ZFAT: variants seen among roughly 807,000 people sequenced by gnomAD.
ZFAT encodes the protein zinc finger and AT-hook domain containing.
In ZFAT, 64 loss-of-function variants were observed where a neutral mutation model predicts 117.7. The observed-to-expected ratio is 0.54, with a 90% confidence interval of 0.44 to 0.67. ZFAT has a LOEUF of 0.67. ZFAT is among the 30% of genes least tolerant of loss of function. The pLI is 0.00. For missense variants in ZFAT, 1,433 were observed against 1,584.5 expected, an observed-to-expected ratio of 0.90 and a Z score of 1.62; for synonymous variants, 679 against 615.0, an observed-to-expected ratio of 1.10 and a Z score of -1.54.
At chr8:134,676,477 A>G (rs1832810052) in intron 1 of ZFAT, among the ~76,000 whole-genome samples, 1 of 152,168 alleles carries the variant, frequency 6.6e-6, no homozygotes, top group African/African-American at 2.4e-5. Flanking sequence ...AGAGACTTAG[A>G]CTCCCACACA....
chr8:134,750,374 A>ATG, the ZFAT span, among the ~76,000 whole-genome samples: 1 of 151,962 alleles, frequency 6.6e-6, no homozygotes, highest in African/African-American at 2.4e-5. Context: ...GGATTTGTTA[A>ATG]TGTATATATA....
rs1381741311 is a variant in ZFAT, at chr8:134,588,290, A to G, written c.2669T>C (p.Met890Thr). 1.9e-6 allele frequency: 3 copies of G among 1,577,442 alleles called. No individual in the cohort carries two copies. The highest frequency in any genetic ancestry group is 2.3e-5 in the East Asian group (1 of 43,294). ...MKCPYCDFYF[M>T]KNGSDLQRHI... ...ACGCTGAAGGTCTGAGCCATTCTTC[A>G]TGAAATAAAAGTCACAATATGGGCA... Residue 890 changes from methionine (M) to threonine (T), a missense_variant, in exon 9 of 16, where the codon ATG (methionine) becomes ACG (threonine). Around this residue, in one of 5 missense-constraint regions of ZFAT, gnomAD observed 503 missense variants for 543.4 expected, o/e 0.93. Transcript: ENST00000377838.
At chr8:134,544,455 T>TA (rs200618967) in intron 11 of ZFAT, among the ~76,000 whole-genome samples, 17,889 of 151,132 alleles carry the variant, frequency 0.12, 1,305 homozygotes, top group East Asian at 0.34. Flanking sequence ...AATTTTTTTT[T>TA]AAAAAAATTA....
intron 8 of ZFAT, 83 bp from the exon 9 acceptor site, chr8:134,588,478 C>A (rs766992274): frequency 2.1e-6 from 3 of 1,395,496 alleles, no homozygotes; most frequent in Non-Finnish European, 2.9e-6. Flanking sequence ...CTAAGCAGCA[C>A]CCACAGGAGG....
chr8:134,663,025 G>A (rs781268031), intron 1 of ZFAT, among the ~76,000 whole-genome samples: 26 of 152,262 alleles, frequency 1.7e-4, no homozygotes, highest in Non-Finnish European at 2.9e-4. Flanking sequence ...GGAGTCTGCT[G>A]CTCTCATGAA....
chr8:134,634,974 C>T (rs1377607511), intron 3 of ZFAT, among the ~76,000 whole-genome samples: 1 of 152,192 alleles, frequency 6.6e-6, no homozygotes, highest in Admixed American at 6.5e-5. Context: ...AAGGAGCACG[C>T]AACGTAGATC....
chr8:134,568,908 T>C (rs1824673137), intron 10 of ZFAT, among the ~76,000 whole-genome samples: 1 of 152,178 alleles, frequency 6.6e-6, no homozygotes, highest in Non-Finnish European at 1.5e-5. Context: ...CTTCTGAGAC[T>C]TACAAGCAGA....
intron 3 of ZFAT, among the ~76,000 whole-genome samples, chr8:134,619,455 T>C: frequency 6.6e-6 from 1 of 152,042 alleles, no homozygotes; most frequent in Admixed American, 6.5e-5. Flanking sequence ...CAAACACATC[T>C]CACAAACACA....
At chr8:134,491,146 T>C (rs533607177) in intron 15 of ZFAT, among the ~76,000 whole-genome samples, 90 of 152,352 alleles carry the variant, frequency 5.9e-4, no homozygotes, top group African/African-American at 2.1e-3. Flanking sequence ...GATCTGAACC[T>C]AGAACCTAAC....
At chr8:134,783,468 TC>T in the ZFAT span, among the ~76,000 whole-genome samples, 8 of 151,734 alleles carry the variant, frequency 5.3e-5, no homozygotes, top group African/African-American at 1.9e-4. Flanking sequence ...TCCCGACACC[TC>T]CCCCCTTACC....
chr8:134,756,547 G>A, the ZFAT span, among the ~76,000 whole-genome samples: 1 of 152,216 alleles, frequency 6.6e-6, no homozygotes, highest in African/African-American at 2.4e-5. Flanking sequence ...ATGCTGTGGT[G>A]CTCCACCTCC....
At chr8:134,527,468 T>C (rs1019335905) in intron 12 of ZFAT, among the ~76,000 whole-genome samples, 1 of 152,212 alleles carries the variant, frequency 6.6e-6, no homozygotes, top group Admixed American at 6.5e-5. Flanking sequence ...GGAAAAATTG[T>C]ATTAGATTAA....
At chr8:134,621,472 C>T (rs1829099527) in intron 3 of ZFAT, among the ~76,000 whole-genome samples, 1 of 152,128 alleles carries the variant, frequency 6.6e-6, no homozygotes, top group Non-Finnish European at 1.5e-5. Flanking sequence ...TTTAACCAGT[C>T]TTTTAAGGGT....
chr8:134,781,356 T>C, the ZFAT span, among the ~76,000 whole-genome samples: 1 of 152,162 alleles, frequency 6.6e-6, no homozygotes, highest in Non-Finnish European at 1.5e-5. Context: ...ACTAGAAATC[T>C]AAGCTCAGTT....
chr8:134,636,948 G>A (rs1199124410), intron 3 of ZFAT, among the ~76,000 whole-genome samples: 1 of 152,176 alleles, frequency 6.6e-6, no homozygotes, highest in Non-Finnish European at 1.5e-5. Flanking sequence ...AGCCAATGCT[G>A]GCCCATCGAG....
intron 1 of ZFAT, among the ~76,000 whole-genome samples, chr8:134,693,872 C>T (rs930243429): frequency 6.6e-6 from 1 of 152,182 alleles, no homozygotes; most frequent in Non-Finnish European, 1.5e-5. Context: ...GAAACCTGAC[C>T]TTCTCAAATA....
At chr8:134,482,774 G>A (rs1458662544) in intron 15 of ZFAT, among the ~76,000 whole-genome samples, 1 of 152,240 alleles carries the variant, frequency 6.6e-6, no homozygotes, top group Non-Finnish European at 1.5e-5. Context: ...CAATGGTGAT[G>A]TGTATTTCCC....
chr8:134,602,227 A>T lies in ZFAT; in HGVS notation c.1492T>A (p.Phe498Ile). The T allele has an allele frequency of 6.2e-7, 1 of 1,613,706 alleles. No homozygotes were observed. The highest frequency in any genetic ancestry group is 8.5e-7 in the Non-Finnish European group (1 of 1,180,028). ...LVFTSSINQS[F>I]CLLEPGGDIQ... ...TCCCCACCAGGTTCCAGGAGGCAGA[A>T]GCTCTGGTTGATGGAACTGGTGAAG... is the stretch of plus-strand genomic sequence containing the variant. Residue 498 changes from phenylalanine (F) to isoleucine (I), a missense_variant, in exon 6 of 16, where the codon TTC (phenylalanine) becomes ATC (isoleucine). Phe to Ile is a conservative substitution (Grantham distance 21, BLOSUM62 0). Coordinates refer to ENST00000377838, the MANE Select transcript of ZFAT (RefSeq NM_020863.4).
intron 7 of ZFAT, among the ~76,000 whole-genome samples, chr8:134,596,097 A>G (rs1826907865): frequency 6.6e-6 from 1 of 152,200 alleles, no homozygotes; most frequent in Admixed American, 6.5e-5. Flanking sequence ...CCCAGGTCCC[A>G]TGCCTTTCCT....
Sources: allele counts gnomAD v4.1 joint callset (sites outside exome capture counted in the v4.1 genomes callset), GRCh38; gene constraint gnomAD v4.1.1; regional missense constraint gnomAD v4.1.1; transcripts MANE v1.5; gene names NCBI Gene and HGNC (gene_info 2026-07-23, HGNC 2026-07-21).